The following THSD4 variants were observed in gnomAD, a reference collection of about 807,000 sequenced individuals.
The protein encoded by THSD4 is thrombospondin type-1 domain-containing protein 4.
Under a neutral mutation model 119.0 loss-of-function variants are expected in THSD4, and 69 were observed. The ratio of observed to expected loss-of-function variants is 0.58; its 90% confidence interval spans 0.48 to 0.71. The LOEUF is 0.71. Among genes scored for constraint, THSD4 ranks in the 30% least tolerant of loss-of-function variants. The probability of loss-of-function intolerance (pLI) is 0.00; values close to 1 mark genes in which losing one functional copy is unlikely to be tolerated. For missense variants in THSD4, 1,393 were observed against 1,391.1 expected, an observed-to-expected ratio of 1.00 and a Z score of -0.02; for synonymous variants, 524 against 540.4, an observed-to-expected ratio of 0.97 and a Z score of 0.42.
chr15:71,576,921 A>G (rs1449231467), intron 7 of THSD4, among the ~76,000 whole-genome samples: 3 of 151,998 alleles, frequency 2.0e-5, no homozygotes, highest in African/African-American at 7.2e-5. Context: ...ATTTTTATCA[A>G]CCTTATAATG....
chr15:71,765,792 G>C (rs62023283), intron 16 of THSD4, among the ~76,000 whole-genome samples: 1,125 of 79,376 alleles, frequency 0.014, 6 homozygotes, highest in African/African-American at 0.068. Flanking sequence ...CACACTCTCT[G>C]TGTGTGTGTG....
At chr15:71,740,594 C>T (rs79143731) in intron 11 of THSD4, among the ~76,000 whole-genome samples, 1,893 of 152,222 alleles carry the variant, frequency 0.012, 39 homozygotes, top group African/African-American at 0.042. Flanking sequence ...CTCCTCCAGA[C>T]GCTCCCACGG....
At chr15:71,275,256 T>C (rs1451698058) in intron 6 of THSD4, among the ~76,000 whole-genome samples, 2 of 152,044 alleles carry the variant, frequency 1.3e-5, no homozygotes, top group Non-Finnish European at 2.9e-5. Context: ...CCTCCATGCA[T>C]CCAAGCCATG....
rs112990125 is a variant in THSD4, at chr15:71,569,334, G to A, written c.1153-91196G>A. ...AAAAGAAGAAAGAGAGAGAGAGAGG[G>A]AGGGAGGACAGGAGAAAGAAACCAT... is the stretch of plus-strand genomic sequence containing the variant. On this transcript the variant is annotated intron_variant, in intron 7 of 17. Transcript: ENST00000261862. 7.4e-3 allele frequency among the ~76,000 whole-genome samples: 1,129 copies of A among 152,240 alleles called. 20 individuals carry two copies. Among genetic ancestry groups the A allele is most frequent in the African/African-American group, 0.024 (983 of 41,554 alleles).
At chr15:71,310,165 CCT>C (rs2045092266) in intron 6 of THSD4, among the ~76,000 whole-genome samples, 2 of 151,890 alleles carry the variant, frequency 1.3e-5, no homozygotes, top group Admixed American at 1.3e-4. Context: ...ATTTTACCTA[CCT>C]ATCTGTCTTT....
At chr15:71,606,192 G>A (rs2050106323) in intron 7 of THSD4, among the ~76,000 whole-genome samples, 1 of 152,188 alleles carries the variant, frequency 6.6e-6, no homozygotes, top group African/African-American at 2.4e-5. Context: ...TTGTTTTTTG[G>A]TTACTTTTTT....
chr15:71,358,170 G>C (rs1309095288), intron 6 of THSD4, among the ~76,000 whole-genome samples: 1 of 152,192 alleles, frequency 6.6e-6, no homozygotes, highest in Non-Finnish European at 1.5e-5. Context: ...CATTTGGCTG[G>C]AGAGCCTCAA....
chr15:71,738,969 G>C (rs1353661131), intron 11 of THSD4, among the ~76,000 whole-genome samples: 1 of 151,970 alleles, frequency 6.6e-6, no homozygotes, highest in Non-Finnish European at 1.5e-5. Flanking sequence ...GGCCTGCTGT[G>C]CACATATATT....
At chr15:71,606,878 G>A (rs2050120921) in intron 7 of THSD4, among the ~76,000 whole-genome samples, 1 of 152,324 alleles carries the variant, frequency 6.6e-6, no homozygotes, top group South Asian at 2.1e-4. Context: ...TTAAAATTGG[G>A]AGATCAAATC....
At chr15:71,303,368 G>A (rs890283942) in intron 6 of THSD4, among the ~76,000 whole-genome samples, 3 of 152,150 alleles carry the variant, frequency 2.0e-5, no homozygotes, top group African/African-American at 7.2e-5. Flanking sequence ...ACAGATCTCT[G>A]GCAGACAGTG....
chr15:71,359,199 C>T (rs529314590), intron 6 of THSD4, among the ~76,000 whole-genome samples: 79 of 152,268 alleles, frequency 5.2e-4, no homozygotes, highest in South Asian at 1.9e-3. Flanking sequence ...TGTGAGGAGG[C>T]GTAGGGGCAC....
At chr15:71,102,401 G>T (rs2040257212) in intron 1 of THSD4, among the ~76,000 whole-genome samples, 1 of 151,968 alleles carries the variant, frequency 6.6e-6, no homozygotes, top group African/African-American at 2.4e-5. Context: ...GGCCCCTAAG[G>T]TTCTGCTGGG....
At chr15:71,699,874 A>G (rs141496069) in intron 8 of THSD4, among the ~76,000 whole-genome samples, 2 of 152,346 alleles carry the variant, frequency 1.3e-5, no homozygotes, top group Admixed American at 1.3e-4. Context: ...AGAGAAAAAT[A>G]TCATCTTAAT....
chr15:71,569,883 A>G (rs1293153517), intron 7 of THSD4, among the ~76,000 whole-genome samples: 6 of 152,194 alleles, frequency 3.9e-5, no homozygotes, highest in Non-Finnish European at 2.9e-5. Flanking sequence ...AATTCTAGCT[A>G]CTCAGGAGGC....
At chr15:71,511,649 G>A (rs1293065282) in intron 7 of THSD4, among the ~76,000 whole-genome samples, 1 of 152,078 alleles carries the variant, frequency 6.6e-6, no homozygotes, top group African/African-American at 2.4e-5. Flanking sequence ...AATCATTTAA[G>A]TGACTTTGAT....
At chr15:71,141,097 A>G (rs1233299486) in intron 1 of THSD4, among the ~76,000 whole-genome samples, 1 of 152,264 alleles carries the variant, frequency 6.6e-6, no homozygotes, top group African/African-American at 2.4e-5. Context: ...ACCAAGACAC[A>G]TGAATGTGAC....
At chr15:71,439,887 G>A (rs1338962421) in intron 7 of THSD4, among the ~76,000 whole-genome samples, 1 of 152,160 alleles carries the variant, frequency 6.6e-6, no homozygotes, top group Non-Finnish European at 1.5e-5. Context: ...CTAGGAGAGG[G>A]ATAGCATTAG....
intron 7 of THSD4, among the ~76,000 whole-genome samples, chr15:71,655,099 C>A (rs771659101): frequency 6.6e-6 from 1 of 152,166 alleles, no homozygotes; most frequent in East Asian, 1.9e-4. Context: ...TTTCCTACAA[C>A]GTGTTGCAGA....
At chr15:71,495,733 T>C (rs1399703048) in intron 7 of THSD4, among the ~76,000 whole-genome samples, 6 of 152,166 alleles carry the variant, frequency 3.9e-5, no homozygotes, top group Admixed American at 2.6e-4. Context: ...GAGGAGAAAG[T>C]CTAAAAACGC....
Sources: allele counts gnomAD v4.1 joint callset (sites outside exome capture counted in the v4.1 genomes callset), GRCh38; gene constraint gnomAD v4.1.1; transcripts MANE v1.5; gene names NCBI Gene and HGNC (gene_info 2026-07-23, HGNC 2026-07-21).